Variants in PDS5B observed in about 807,000 individuals in gnomAD.
PDS5B encodes PDS5 cohesin associated factor B.
PDS5B carries 51 observed loss-of-function variants against 184.1 expected under a neutral mutation model. That is an observed-to-expected ratio of 0.28 (90% CI 0.22 to 0.35). The LOEUF is 0.35. Among genes scored for constraint, PDS5B ranks in the 10% least tolerant of loss-of-function variants. The pLI, the probability that PDS5B is intolerant of heterozygous loss-of-function variation, is 1.00. For missense variants in PDS5B, 1,180 were observed against 1,723.3 expected (o/e 0.68, Z 5.58); for synonymous variants, 566 against 569.2 (o/e 0.99, Z 0.08).
chr13:32,763,943 C>T (rs1954498277), intron 30 of PDS5B, among the ~76,000 whole-genome samples: 1 of 151,976 alleles, frequency 6.6e-6, no homozygotes, highest in Admixed American at 6.6e-5. Context: ...GTGAGACCAC[C>T]CAGGACAGAG....
At chr13:32,704,619 C>T (rs1339111599) in intron 17 of PDS5B, among the ~76,000 whole-genome samples, 12 of 152,164 alleles carry the variant, frequency 7.9e-5, no homozygotes, top group South Asian at 2.1e-4. Flanking sequence ...TTTATTATAG[C>T]GTAAATTCTT....
intron 1 of PDS5B, among the ~76,000 whole-genome samples, chr13:32,607,343 C>T (rs1314111084): frequency 2.6e-5 from 4 of 152,208 alleles, no homozygotes; most frequent in Non-Finnish European, 2.9e-5. Context: ...CCCTGTTTGC[C>T]TGGGTATCAC....
intron 31 of PDS5B, among the ~76,000 whole-genome samples, chr13:32,768,686 G>A (rs1368355565): frequency 6.6e-6 from 1 of 151,426 alleles, no homozygotes; most frequent in African/African-American, 2.4e-5. Context: ...CCAGCTACTC[G>A]GGAGGCTGAG....
At chr13:32,611,215 A>C (rs1190892417) in intron 1 of PDS5B, among the ~76,000 whole-genome samples, 1 of 151,992 alleles carries the variant, frequency 6.6e-6, no homozygotes, top group Admixed American at 6.6e-5. Flanking sequence ...CTCCCAAATC[A>C]GCATCTGATG....
intron 20 of PDS5B, among the ~76,000 whole-genome samples, chr13:32,734,215 C>T (rs1401690890): frequency 1.5e-5 from 2 of 132,288 alleles, no homozygotes; most frequent in Non-Finnish European, 1.8e-5. Context: ...TTAGCGGAGA[C>T]GGGATTCCAC....
intron 15 of PDS5B, 69 bp downstream of exon 15, chr13:32,696,971 T>C (rs1951725626): frequency 2.0e-6 from 2 of 982,016 alleles, no homozygotes; most frequent in Admixed American, 2.3e-5. Flanking sequence ...TTTAAGTGTT[T>C]CATGCAGTTT....
chr13:32,771,067 G>A (rs1193567047), intron 33 of PDS5B: 4 of 224,646 alleles, frequency 1.8e-5, no homozygotes, highest in South Asian at 1.3e-4. Context: ...TGACCAGGTT[G>A]CCTTGTCATT....
chr13:32,628,771 C>G (rs2058410090), intron 1 of PDS5B, among the ~76,000 whole-genome samples: 1 of 132,184 alleles, frequency 7.6e-6, no homozygotes, highest in Non-Finnish European at 1.8e-5. Context: ...TTGGCTAACA[C>G]TGTTATATTT....
chr13:32,691,797 A>T (rs473672), intron 13 of PDS5B, among the ~76,000 whole-genome samples: 55 of 152,066 alleles, frequency 3.6e-4, no homozygotes, highest in Admixed American at 3.2e-3. Flanking sequence ...CAACATGATT[A>T]TACTAGTTTA....
chr13:32,757,873 A>T (rs1312687317), intron 26 of PDS5B, among the ~76,000 whole-genome samples: 1 of 151,644 alleles, frequency 6.6e-6, no homozygotes, highest in Non-Finnish European at 1.5e-5. Context: ...TTAAGAAGGG[A>T]TCTTATAAGC....
intron 6 of PDS5B, among the ~76,000 whole-genome samples, chr13:32,659,862 T>G (rs1239838474): frequency 7.9e-5 from 12 of 152,164 alleles, no homozygotes; most frequent in Non-Finnish European, 1.8e-4. Flanking sequence ...CCAGTGTAGT[T>G]ATCTGTGCAA....
At chr13:32,728,584 C>T (rs899807886) in intron 19 of PDS5B, among the ~76,000 whole-genome samples, 1 of 152,168 alleles carries the variant, frequency 6.6e-6, no homozygotes, top group African/African-American at 2.4e-5. Flanking sequence ...ATCAGAGCTT[C>T]CTTGGCCTCC....
intron 1 of PDS5B, among the ~76,000 whole-genome samples, chr13:32,604,806 G>A (rs1166782880): frequency 6.6e-6 from 1 of 152,168 alleles, no homozygotes; most frequent in African/African-American, 2.4e-5. Context: ...TCTTGGGAGG[G>A]TGTATGTGTC....
intron 3 of PDS5B, among the ~76,000 whole-genome samples, chr13:32,657,457 T>C (rs371370760): frequency 6.6e-6 from 1 of 152,234 alleles, no homozygotes; most frequent in South Asian, 2.1e-4. Context: ...ATCAGTGTCG[T>C]TGCATATGAA....
In PDS5B at chr13:32,745,961, TCTA is replaced by T. The variant is rs773743619; in HGVS notation, c.2613-13_2613-11del. ...ATTTTAAATGCTAATCTATATTCATTCTACTCATTTTTCAGTAAACCAGATATG... is the reference window on the plus strand; with the variant it reads ...ATTTTAAATGCTAATCTATATTCATTCTCATTTTTCAGTAAACCAGATATG... On this transcript the variant is annotated splice_polypyrimidine_tract_variant and intron_variant, in intron 23 of 34. Transcript: ENST00000315596. 5 of 1,593,940 alleles carry T rather than the reference TCTA, an allele frequency of 3.1e-6. No homozygotes were observed. Among genetic ancestry groups the T allele is most frequent in the African/African-American group, 1.3e-5 (1 of 74,486 alleles).
At chr13:32,633,647 T>C (rs2058493202) in intron 1 of PDS5B, among the ~76,000 whole-genome samples, 1 of 152,226 alleles carries the variant, frequency 6.6e-6, no homozygotes, top group Non-Finnish European at 1.5e-5. Flanking sequence ...TATAGGGAAA[T>C]TTATTGAGAA....
At chr13:32,768,629 C>G (rs1405387707) in intron 31 of PDS5B, among the ~76,000 whole-genome samples, 2 of 150,504 alleles carry the variant, frequency 1.3e-5, no homozygotes, top group Admixed American at 6.6e-5. Context: ...CCCATCTCTG[C>G]TAAAAATACA....
chr13:32,662,123 A>G (rs1950666665), intron 6 of PDS5B, among the ~76,000 whole-genome samples: 1 of 152,182 alleles, frequency 6.6e-6, no homozygotes, highest in African/African-American at 2.4e-5. Flanking sequence ...AAGGTCGAAT[A>G]TAAAAGGATG....
intron 16 of PDS5B, 75 bp downstream of exon 16, chr13:32,699,944 A>G: frequency 7.8e-7 from 1 of 1,277,614 alleles, no homozygotes; most frequent in Admixed American, 3.0e-5. Context: ...TATAAAAGTA[A>G]TTTATATTCA....
Sources: gnomAD v4.1 joint callset for allele counts (sites outside exome capture counted in the v4.1 genomes callset) on GRCh38, gnomAD v4.1.1 for gene constraint, MANE v1.5 for transcripts, NCBI Gene and HGNC (gene_info 2026-07-23, HGNC 2026-07-21) for gene names.